The following DMRT1 variants were observed in gnomAD, a reference collection of about 807,000 sequenced individuals.
DMRT1 encodes the protein doublesex- and mab-3-related transcription factor 1.
DMRT1 carries 7 observed loss-of-function variants against 32.3 expected under a neutral mutation model. The observed-to-expected ratio is 0.22, with a 90% CI of 0.12 to 0.41. The LOEUF is 0.41. DMRT1 is among the 10% of genes least tolerant of loss of function. The probability of loss-of-function intolerance (pLI) is 1.00; values close to 1 mark genes in which losing one functional copy is unlikely to be tolerated. For synonymous variants in DMRT1, 278 were observed against 206.1 expected (o/e 1.35, Z -2.99); for missense variants, 625 against 500.5 (o/e 1.25, Z -2.37).
intron 2 of DMRT1, among the ~76,000 whole-genome samples, chr9:885,882 C>T (rs1316974877): frequency 6.6e-6 from 1 of 152,176 alleles, no homozygotes; most frequent in Non-Finnish European, 1.5e-5. Flanking sequence ...TTAAGAAAGC[C>T]AGCACATTCT....
Position 968,181 on chromosome 9 carries a change from C to G in DMRT1, c.*42C>G, listed in dbSNP as rs561074025. On this transcript the variant is annotated 3_prime_UTR_variant, in exon 5 of 5. Coordinates refer to ENST00000382276, the MANE Select transcript of DMRT1 (RefSeq NM_021951.3). The stretch of plus-strand genomic sequence containing the variant: ...ATGGCGGTTCACTTGGAGTAACAGG[C>G]TTATTCCACTTTCCATGGGGTTTGT... 6.2e-7 allele frequency: 1 copy of G among 1,608,074 alleles called. No homozygotes were observed. The highest frequency in any genetic ancestry group is 8.5e-7 in the Non-Finnish European group (1 of 1,176,190).
At chr9:859,573 A>C (rs945408034) in intron 2 of DMRT1, among the ~76,000 whole-genome samples, 1 of 152,174 alleles carries the variant, frequency 6.6e-6, no homozygotes, top group African/African-American at 2.4e-5. Context: ...CCAAATCACA[A>C]AAAAATCCAA....
rs1178147409 is a variant in DMRT1 at position 968,251 on chromosome 9, A to G, written c.*112A>G. ...ATACTATCTTAACTGTTGAGAACGT[A>G]TTTGGTTTATATTCCTTAGAGTTTA... On this transcript the variant is annotated 3_prime_UTR_variant, in exon 5 of 5. Transcript: ENST00000382276. 5 of 1,349,092 alleles carry G rather than the reference A, an allele frequency of 3.7e-6. No individual in the cohort carries two copies. Among genetic ancestry groups the G allele is most frequent in the Non-Finnish European group, 5.1e-6 (5 of 975,412 alleles). 83.6% of individuals were successfully genotyped at this position (1,349,092 alleles called of 1,614,324 possible). A position where few individuals can be genotyped will look rare whatever the true frequency, so the allele number is the denominator to read the frequency against.
Position 916,642 on chromosome 9 carries a change from G to A in DMRT1, c.823-121G>A, listed in dbSNP as rs1586613943. On this transcript the variant is annotated intron_variant, in intron 3 of 4. Transcript: ENST00000382276. Reference sequence around the variant, plus strand: ...CCGCCCTGGCCTCCCAAGGTGTCGGGAACATAGGCATGAGCCACTGTGCCC... The same window carrying A: ...CCGCCCTGGCCTCCCAAGGTGTCGGAAACATAGGCATGAGCCACTGTGCCC... 4.0e-6 allele frequency: 5 copies of A among 1,260,866 alleles called. No homozygotes were observed. In the Middle Eastern group the frequency reaches 9.3e-4, roughly 235 times the overall value. 78.1% of individuals were successfully genotyped at this position (1,260,866 alleles called of 1,614,324 possible).
chr9:924,232 C>T (rs187793589), intron 4 of DMRT1, among the ~76,000 whole-genome samples: 1 of 152,114 alleles, frequency 6.6e-6, no homozygotes, highest in African/African-American at 2.4e-5. Flanking sequence ...CCACCACACC[C>T]AGCTAACTTT....
intron 3 of DMRT1, among the ~76,000 whole-genome samples, chr9:898,654 G>T (rs1417188084): frequency 6.6e-6 from 1 of 152,148 alleles, no homozygotes; most frequent in Non-Finnish European, 1.5e-5. Flanking sequence ...GAGCACCTGT[G>T]CTGTTCTCTC....
intron 1 of DMRT1, among the ~76,000 whole-genome samples, chr9:845,280 G>A (rs990616261): frequency 1.3e-5 from 2 of 151,896 alleles, no homozygotes; most frequent in Non-Finnish European, 2.9e-5. Context: ...CTCGATTTCG[G>A]CTCACTGCAA....
At chr9:854,905 A>G (rs1338487813) in intron 2 of DMRT1, among the ~76,000 whole-genome samples, 2 of 150,028 alleles carry the variant, frequency 1.3e-5, no homozygotes, top group African/African-American at 4.9e-5. Flanking sequence ...AGCTGGGACT[A>G]CAGGCGCCCG....
chr9:887,838 T>G (rs1434329006), intron 2 of DMRT1, among the ~76,000 whole-genome samples: 1 of 152,184 alleles, frequency 6.6e-6, no homozygotes, highest in Non-Finnish European at 1.5e-5. Flanking sequence ...TTTCCCCAAA[T>G]AGATGGCAAA....
At chr9:919,983 T>A (rs1230912997) in intron 4 of DMRT1, among the ~76,000 whole-genome samples, 1 of 152,162 alleles carries the variant, frequency 6.6e-6, no homozygotes, top group Non-Finnish European at 1.5e-5. Context: ...CGAAGATAAT[T>A]CCAAAGTAGA....
At chr9:880,112 A>G (rs1209363491) in intron 2 of DMRT1, among the ~76,000 whole-genome samples, 4 of 152,314 alleles carry the variant, frequency 2.6e-5, no homozygotes, top group South Asian at 2.1e-4. Flanking sequence ...AATGCCGCCA[A>G]ATATCTGAGT....
At chr9:931,630 T>C (rs570861315) in intron 4 of DMRT1, among the ~76,000 whole-genome samples, 2 of 152,214 alleles carry the variant, frequency 1.3e-5, no homozygotes, top group South Asian at 4.1e-4. Flanking sequence ...TAGACTGCCA[T>C]CTTATGTCCT....
chr9:847,230 C>A, intron 2 of DMRT1, 87 bp downstream of exon 2: 1 of 1,377,128 alleles, frequency 7.3e-7, no homozygotes, highest in Non-Finnish European at 1.0e-6. Context: ...CTCCCCTGAG[C>A]TACATACAGT....
chr9:923,322 C>T (rs756424129), intron 4 of DMRT1, among the ~76,000 whole-genome samples: 11 of 152,120 alleles, frequency 7.2e-5, no homozygotes, highest in Non-Finnish European at 1.6e-4. Context: ...CTGTGACAAG[C>T]GGCCATGTGG....
At position 965,641 on chromosome 9, in the gene DMRT1, G is replaced by A. The variant is rs986140974; in HGVS notation, c.968-2344G>A. On this transcript the variant is annotated intron_variant, in intron 4 of 4. Coordinates refer to ENST00000382276, the MANE Select transcript of DMRT1 (RefSeq NM_021951.3). This position sits in a 1 kb window ranked among gnomAD's most constrained non-coding sequence, Gnocchi z 4.5. ...CAGCTGCTAACTGGAAACAGGCCCA[G>A]GGCTCTGAACATGTTGGGAGAACAC... 1.3e-5 allele frequency among the ~76,000 whole-genome samples: 2 copies of A among 152,190 alleles called. No homozygotes were observed. Among genetic ancestry groups the A allele is most frequent in the African/African-American group, 4.8e-5 (2 of 41,448 alleles).
At chr9:867,982 ATTG>A (rs1430292355) in intron 2 of DMRT1, among the ~76,000 whole-genome samples, 2 of 152,156 alleles carry the variant, frequency 1.3e-5, no homozygotes, top group African/African-American at 4.8e-5. Context: ...GAAATCAACA[ATTG>A]TTGTTTTTTA....
At chr9:879,409 T>A (rs1816641866) in intron 2 of DMRT1, among the ~76,000 whole-genome samples, 1 of 152,218 alleles carries the variant, frequency 6.6e-6, no homozygotes, top group South Asian at 2.1e-4. Context: ...GAGAGTGGCA[T>A]TGTTTCACAT....
intron 3 of DMRT1, among the ~76,000 whole-genome samples, chr9:911,873 G>T (rs1347293370): frequency 6.6e-6 from 1 of 152,174 alleles, no homozygotes; most frequent in African/African-American, 2.4e-5. Flanking sequence ...CTTCTTATGA[G>T]CAAGTTGTCA....
chr9:866,665 T>G (rs969260620), intron 2 of DMRT1, among the ~76,000 whole-genome samples: 4 of 152,166 alleles, frequency 2.6e-5, no homozygotes, highest in Admixed American at 2.6e-4. Context: ...GGCAAGGAAG[T>G]AACAAGCGGA....
Sources: allele counts gnomAD v4.1 joint callset (sites outside exome capture counted in the v4.1 genomes callset), GRCh38; gene constraint gnomAD v4.1.1; non-coding constraint Gnocchi (gnomAD v3.1); transcripts MANE v1.5; gene names NCBI Gene and HGNC (gene_info 2026-07-23, HGNC 2026-07-21).